The following LRP5 variants were observed in gnomAD, a reference collection of about 807,000 sequenced individuals.
LRP5 encodes low-density lipoprotein receptor-related protein 5.
LRP5 carries 62 observed loss-of-function variants against 154.1 expected under a neutral mutation model. The ratio of observed to expected loss-of-function variants is 0.40; its 90% confidence interval spans 0.33 to 0.50. The LOEUF (loss-of-function observed/expected upper bound fraction) is 0.50. Among genes scored for constraint, LRP5 ranks in the 20% least tolerant of loss-of-function variants. The probability of loss-of-function intolerance (pLI) is 0.55; values close to 1 mark genes in which losing one functional copy is unlikely to be tolerated. For missense variants in LRP5, 1,915 were observed against 2,336.7 expected (o/e 0.82, Z 3.72); for synonymous variants, 966 against 1,011.5 (o/e 0.96, Z 0.85).
Position 68,330,873 on chromosome 11 carries a change from C to G in LRP5, c.92-16974C>G, listed in dbSNP as rs530531988. ...TCTGGGCCCAGGGAGGGGAGCATGC[C>G]AAGCTGGGGATCTCCACCGGTCCAG... On this transcript the variant is annotated intron_variant, in intron 1 of 22. Transcript: ENST00000294304. Among the ~76,000 whole-genome samples the G allele has an allele frequency of 1.2e-4, 19 of 152,334 alleles. No homozygotes were observed. The South Asian group carries it at 1.7e-3, about 13-fold the overall frequency.
chr11:68,347,034 G>GCC (rs2098613579), intron 1 of LRP5, among the ~76,000 whole-genome samples: 6 of 152,218 alleles, frequency 3.9e-5, no homozygotes, highest in Admixed American at 1.3e-4. Context: ...GCAGAGGGAG[G>GCC]TGAGGGAGCC....
chr11:68,414,029 C>T lies in LRP5; in HGVS notation c.2827+17C>T, dbSNP rs992622865. 1.9e-6 allele frequency: 3 copies of T among 1,598,564 alleles called. No homozygotes were observed. The highest frequency in any genetic ancestry group is 2.7e-5 in the African/African-American group (2 of 74,838). The stretch of plus-strand genomic sequence containing the variant: ...ACTGCAGCCGTAAGTGCCTCATGGT[C>T]CCCCGCACCTCACTCCCTCGTTAGA... On this transcript the variant is annotated intron_variant, in intron 12 of 22. Coordinates refer to ENST00000294304, the MANE Select transcript of LRP5 (RefSeq NM_002335.4).
chr11:68,384,837 C>T (rs749258131), intron 5 of LRP5, among the ~76,000 whole-genome samples: 8 of 152,320 alleles, frequency 5.3e-5, no homozygotes, highest in Non-Finnish European at 7.4e-5. Context: ...GGGGGGTCTC[C>T]GTGCGTCCTG....
chr11:68,385,803 C>G (rs1385585640), intron 5 of LRP5, among the ~76,000 whole-genome samples: 4 of 151,996 alleles, frequency 2.6e-5, no homozygotes, highest in Non-Finnish European at 4.4e-5. Flanking sequence ...TGAAGCCGCC[C>G]TCGGGTGGTG....
At chr11:68,313,386 C>A (rs967052984) in intron 1 of LRP5, among the ~76,000 whole-genome samples, 2 of 152,086 alleles carry the variant, frequency 1.3e-5, no homozygotes, top group Admixed American at 1.3e-4. Flanking sequence ...GACCCGAATG[C>A]CCCGTGTGGC....
chr11:68,363,696 C>T (rs1475777869), intron 3 of LRP5, 51 bp from the exon 4 acceptor site: 2 of 1,415,248 alleles, frequency 1.4e-6, no homozygotes, highest in East Asian at 4.6e-5. Context: ...GCAGCAATGA[C>T]TGTCGGGGGA....
intron 1 of LRP5, among the ~76,000 whole-genome samples, chr11:68,327,775 C>T (rs1452051963): frequency 6.6e-6 from 1 of 152,142 alleles, no homozygotes; most frequent in African/African-American, 2.4e-5. Context: ...AGGGAGCTTT[C>T]CTGCAGGTTT....
At chr11:68,391,301 C>T (rs1304378534) in intron 7 of LRP5, among the ~76,000 whole-genome samples, 1 of 94,632 alleles carries the variant, frequency 1.1e-5, no homozygotes, top group East Asian at 8.1e-4. Flanking sequence ...TCTCTTGGTG[C>T]CAGTGATATG....
intron 5 of LRP5, among the ~76,000 whole-genome samples, chr11:68,368,147 T>C (rs1362481875): frequency 6.6e-6 from 1 of 151,766 alleles, no homozygotes; most frequent in Non-Finnish European, 1.5e-5. Flanking sequence ...TCCACAAATA[T>C]TCCAGAAAAT....
At chr11:68,358,552 C>G (rs553262659) in intron 3 of LRP5, among the ~76,000 whole-genome samples, 2 of 152,324 alleles carry the variant, frequency 1.3e-5, no homozygotes, top group South Asian at 4.1e-4. Flanking sequence ...GCACCACCCC[C>G]ACCCTGGCCC....
Position 68,448,987 on chromosome 11 carries a change from A to G in LRP5, c.4765A>G (p.Ser1589Gly). The change falls in exon 23 of 23, where the codon AGC becomes GGC. Residue 1589 changes from serine (S) to glycine (G), a missense_variant. By Grantham distance (56) the Ser-to-Gly change is moderately conservative. This residue lies in a region of LRP5 where 1,094 missense variants were observed against 1,210.1 expected (regional missense o/e 0.90). Transcript: ENST00000294304. ...PHSQYLSAED[S>G]CPPSPATERS... The stretch of plus-strand genomic sequence containing the variant: ...CAGCCAGTACCTGTCGGCGGAGGAC[A>G]GCTGCCCGCCCTCGCCCGCCACCGA... 6.2e-7 allele frequency: 1 copy of G among 1,605,990 alleles called. No individual in the cohort carries two copies. Among genetic ancestry groups the G allele is most frequent in the Non-Finnish European group, 8.5e-7 (1 of 1,178,288 alleles).
chr11:68,434,691 T>A (rs976937686), intron 18 of LRP5, among the ~76,000 whole-genome samples: 4 of 152,148 alleles, frequency 2.6e-5, no homozygotes, highest in African/African-American at 7.2e-5. Context: ...GAGTTTTCCT[T>A]TTATGAAGGA....
intron 10 of LRP5, 76 bp from the exon 11 acceptor site, chr11:68,411,360 T>TG: frequency 6.7e-7 from 1 of 1,498,076 alleles, no homozygotes; most frequent in Non-Finnish European, 9.1e-7. Context: ...TGGGGACAGT[T>TG]GCGTCCCCCC....
At chr11:68,431,520 G>A (rs899640019) in intron 17 of LRP5, among the ~76,000 whole-genome samples, 7 of 152,098 alleles carry the variant, frequency 4.6e-5, no homozygotes, top group African/African-American at 1.7e-4. Flanking sequence ...GATTACAGGC[G>A]TGAGCCACCA....
At position 68,317,530 on chromosome 11, in the gene LRP5, CCTGGGTAGTGGGGG is replaced by C. The variant is rs2098594133; in HGVS notation, c.91+4729_91+4742del. Among the ~76,000 whole-genome samples the C allele has an allele frequency of 2.6e-5, 4 of 152,120 alleles. No homozygotes were observed. In the South Asian group the frequency reaches 8.3e-4, roughly 31 times the overall value. On this transcript the variant is annotated intron_variant, in intron 1 of 22. Transcript: ENST00000294304. ...GGGTGCTGGTCCTATCCGTTCCCTA[CCTGGGTAGTGGGGG>C]CTGCCTTCCTGGGTTGGGGGTGGGG...
In LRP5 at chr11:68,413,790, G is replaced by A; in HGVS notation, c.2605G>A (p.Glu869Lys). ...GACAGACTGGAATCTGCACAGCATT[G>A]AGCGGGCCGACAAGACTAGCGGCCG... is the stretch of plus-strand genomic sequence containing the variant. ...YWTDWNLHSI[E>K]RADKTSGRNR... Residue 869 changes from glutamate (E) to lysine (K), a missense_variant, in exon 12 of 23, where the codon GAG (glutamate) becomes AAG (lysine). Physicochemically the swap from Glu to Lys is moderately conservative, Grantham distance 56. This residue lies in a region of LRP5 where 1,094 missense variants were observed against 1,210.1 expected (regional missense o/e 0.90). Coordinates refer to ENST00000294304, the MANE Select transcript of LRP5 (RefSeq NM_002335.4). The surrounding 1 kb of genome is among the most constrained non-coding windows in gnomAD (Gnocchi z 5.1). The A allele has an allele frequency of 6.2e-7, 1 of 1,613,590 alleles. No individual in the cohort carries two copies. Among genetic ancestry groups the A allele is most frequent in the Non-Finnish European group, 8.5e-7 (1 of 1,179,768 alleles).
chr11:68,373,078 C>T (rs924496276), intron 5 of LRP5, among the ~76,000 whole-genome samples: 12 of 152,074 alleles, frequency 7.9e-5, no homozygotes, highest in Non-Finnish European at 1.3e-4. Context: ...TGGGGGGCGG[C>T]GCTAGCATGG....
chr11:68,421,000 G>T (rs1466865489), intron 13 of LRP5, among the ~76,000 whole-genome samples: 1 of 152,172 alleles, frequency 6.6e-6, no homozygotes, highest in Non-Finnish European at 1.5e-5. Flanking sequence ...GCCAGGGCGG[G>T]CGGATCATGA....
intron 22 of LRP5, chr11:68,446,968 G>C: frequency 3.3e-6 from 1 of 300,604 alleles, no homozygotes. Context: ...ACCCACCGTA[G>C]ACCCCTAATC....
Sources: allele counts gnomAD v4.1 joint callset (sites outside exome capture counted in the v4.1 genomes callset), GRCh38; gene constraint gnomAD v4.1.1; regional missense constraint gnomAD v4.1.1; non-coding constraint Gnocchi (gnomAD v3.1); transcripts MANE v1.5; gene names NCBI Gene and HGNC (gene_info 2026-07-23, HGNC 2026-07-21).